The following CNTNAP3B variants were observed in gnomAD, a reference collection of about 807,000 sequenced individuals.
The protein encoded by CNTNAP3B is contactin associated protein family member 3B, also known as contactin-associated protein-like 3B.
CNTNAP3B carries 25 observed loss-of-function variants against 108.9 expected under a neutral mutation model. The ratio of observed to expected loss-of-function variants is 0.23; its 90% CI spans 0.17 to 0.32. CNTNAP3B has a LOEUF of 0.32. Ranked by LOEUF, CNTNAP3B falls within the 10% of genes least tolerant of loss-of-function variation. The pLI, the probability that CNTNAP3B is intolerant of heterozygous loss-of-function variation, is 1.00. For synonymous variants in CNTNAP3B, 103 were observed against 473.4 expected, an observed-to-expected ratio of 0.22 and a Z score of 10.16; for missense variants, 252 against 1,210.4, an observed-to-expected ratio of 0.21 and a Z score of 11.75.
intron 13 of CNTNAP3B, among the ~76,000 whole-genome samples, chr9:41,938,927 T>C (rs1422720844): frequency 1.3e-5 from 2 of 152,212 alleles, no homozygotes; most frequent in Non-Finnish European, 2.9e-5. Flanking sequence ...GTCCTGACTC[T>C]TTATTTGGAG....
In CNTNAP3B at chr9:42,098,812, C is replaced by T. The variant is rs541700629; in HGVS notation, c.196+5817G>A. On this transcript the variant is annotated intron_variant, in intron 2 of 23. Coordinates refer to ENST00000377561, the MANE Select transcript of CNTNAP3B (RefSeq NM_001201380.3). ...TATTGAGTTGAGATAATTATTTGTG[C>T]TAATAATAGAAAGAAAGTGTGTATC... Among the ~76,000 whole-genome samples, 145 of 130,300 alleles carry T rather than the reference C, an allele frequency of 1.1e-3. 39 individuals carry two copies. Among genetic ancestry groups the T allele is most frequent in the African/African-American group, 4.3e-3 (140 of 32,220 alleles). The allele number at this position is 130,300 out of a possible 152,430, so 85.5% of individuals were successfully genotyped here.
chr9:42,093,286 A>C (rs889233796), intron 2 of CNTNAP3B, among the ~76,000 whole-genome samples: 2 of 95,506 alleles, frequency 2.1e-5, no homozygotes, highest in African/African-American at 7.8e-5. Context: ...CGGAGGTTGC[A>C]GTCAGCCGAG....
chr9:41,981,815 G>A (rs1320585002), intron 9 of CNTNAP3B, among the ~76,000 whole-genome samples: 1 of 58,850 alleles, frequency 1.7e-5, no homozygotes, highest in Non-Finnish European at 3.3e-5. Flanking sequence ...CACTTTGGGA[G>A]GGTGAGGTGG....
chr9:41,925,136 G>T (rs1383478745), intron 15 of CNTNAP3B, among the ~76,000 whole-genome samples: 2 of 151,368 alleles, frequency 1.3e-5, no homozygotes, highest in South Asian at 2.1e-4. Flanking sequence ...GACACTTTAA[G>T]GTTACAGAAA....
At chr9:42,014,503 G>C (rs561008477) in intron 3 of CNTNAP3B, among the ~76,000 whole-genome samples, 1 of 111,902 alleles carries the variant, frequency 8.9e-6, no homozygotes, top group South Asian at 2.8e-4. Flanking sequence ...GAATGTACCA[G>C]GCTTAGGGCC....
intron 14 of CNTNAP3B, among the ~76,000 whole-genome samples, chr9:41,935,409 C>A (rs1353450532): frequency 6.6e-6 from 1 of 152,294 alleles, no homozygotes; most frequent in Non-Finnish European, 1.5e-5. Context: ...TTATTATAAA[C>A]TTTCCACCAG....
At chr9:41,956,794 C>T (rs1382057287) in intron 12 of CNTNAP3B, among the ~76,000 whole-genome samples, 1 of 140,152 alleles carries the variant, frequency 7.1e-6, no homozygotes, top group Non-Finnish European at 1.5e-5. Context: ...TGCTGTAATA[C>T]TTATCTCCTA....
At chr9:41,948,147 A>G (rs1474586987) in intron 13 of CNTNAP3B, among the ~76,000 whole-genome samples, 4 of 149,484 alleles carry the variant, frequency 2.7e-5, no homozygotes, top group African/African-American at 9.9e-5. Context: ...GCTGGAGTGC[A>G]GTGGTGTGAT....
intron 15 of CNTNAP3B, among the ~76,000 whole-genome samples, chr9:41,925,757 G>A (rs1823800753): frequency 1.3e-5 from 2 of 152,270 alleles, no homozygotes; most frequent in African/African-American, 4.8e-5. Context: ...TCTCAAATGT[G>A]GCAGCTCCTT....
intron 3 of CNTNAP3B, among the ~76,000 whole-genome samples, chr9:42,058,825 T>C: frequency 1.8e-5 from 1 of 54,974 alleles, no homozygotes; most frequent in East Asian, 5.8e-4. Flanking sequence ...CTGTGTTTTC[T>C]CTTAGTAGTT....
intron 3 of CNTNAP3B, among the ~76,000 whole-genome samples, chr9:42,041,316 G>A (rs1270787883): frequency 6.8e-6 from 1 of 148,140 alleles, no homozygotes; most frequent in South Asian, 2.1e-4. Context: ...CAACATGGGA[G>A]AAAATTTTTG....
intron 15 of CNTNAP3B, among the ~76,000 whole-genome samples, chr9:41,924,824 A>G (rs1823768433): frequency 6.6e-6 from 1 of 152,282 alleles, no homozygotes; most frequent in Non-Finnish European, 1.5e-5. Flanking sequence ...TTATTCTGGT[A>G]CAGTGTGTGA....
chr9:41,964,578 G>C lies in CNTNAP3B; in HGVS notation c.1716C>G (p.Asp572Glu). 6.5e-7 allele frequency: 1 copy of C among 1,543,984 alleles called. No homozygotes were observed. The highest frequency in any genetic ancestry group is 8.8e-7 in the Non-Finnish European group (1 of 1,142,026). ...CSQSWDTFSC[D>E]CLGTGYTGET... ...CGCCCGTATAGCCTGTGCCTAGACA[G>C]TCACAGGAGAAGGTGTCCCACGACT... The change falls in exon 11 of 24, where the codon GAC becomes GAG. Residue 572 changes from aspartate (D) to glutamate (E), a missense_variant. Transcript: ENST00000377561.
intron 13 of CNTNAP3B, among the ~76,000 whole-genome samples, chr9:41,943,584 A>C (rs1824431325): frequency 6.6e-6 from 1 of 151,202 alleles, no homozygotes; most frequent in Admixed American, 6.6e-5. Context: ...GATCTCCTGA[A>C]CTTGTGATCC....
rs1488428470 is a variant in CNTNAP3B at position 42,127,079 on chromosome 9, G to T, written c.85+1931C>A. On this transcript the variant is annotated intron_variant, in intron 1 of 23. Transcript: ENST00000377561. ...TATAGTTACATAGTTTTATCTGGAA[G>T]AATTACTTGATCTAAAAGGTAATTT... Among the ~76,000 whole-genome samples, 7 of 138,964 alleles carry T rather than the reference G, an allele frequency of 5.0e-5. 1 individual carries two copies. Among genetic ancestry groups the T allele is most frequent in the Non-Finnish European group, 1.1e-4 (7 of 64,882 alleles). The allele number at this position is 138,964 out of a possible 152,430, so 91.2% of individuals were successfully genotyped here. A position where few individuals can be genotyped will look rare whatever the true frequency, so the allele number is the denominator to read the frequency against.
At chr9:42,094,926 GA>G (rs1380410764) in intron 2 of CNTNAP3B, among the ~76,000 whole-genome samples, 2 of 134,732 alleles carry the variant, frequency 1.5e-5, no homozygotes, top group African/African-American at 5.9e-5. Context: ...ACATTTTTAT[GA>G]GGTGCAATGT....
At chr9:41,952,995 G>C (rs867154655) in intron 13 of CNTNAP3B, among the ~76,000 whole-genome samples, 188 bp downstream of exon 13, 271 of 152,318 alleles carry the variant, frequency 1.8e-3, no homozygotes, top group African/African-American at 5.8e-3. Flanking sequence ...GTCTCTCAAC[G>C]GTCAGGAAGG....
chr9:42,068,294 AAGAC>A (rs1249428254), intron 3 of CNTNAP3B, among the ~76,000 whole-genome samples: 1 of 52,788 alleles, frequency 1.9e-5, no homozygotes, highest in Non-Finnish European at 3.5e-5. Flanking sequence ...GTTCTCTTAA[AAGAC>A]AGAGCAGCTT....
rs1564177947 is a variant in CNTNAP3B at position 42,030,811 on chromosome 9, GAGGAGAGAGAGA to G, written c.391-17298_391-17287del. On this transcript the variant is annotated intron_variant, in intron 3 of 23. Transcript: ENST00000377561. ...TGTGTGCGAGAGAGAGAGAGAGAGA[GAGGAGAGAGAGA>G]GAGAGAGAGAGAGAGAGAGAGAGAT... 4.1e-5 allele frequency among the ~76,000 whole-genome samples: 3 copies of G among 73,892 alleles called. 1 individual carries two copies. The highest frequency in any genetic ancestry group is 1.1e-4 in the African/African-American group (2 of 18,254). The allele number at this position is 73,892 out of a possible 152,430, so 48.5% of individuals were successfully genotyped here.
Sources: gnomAD v4.1 joint callset for allele counts (sites outside exome capture counted in the v4.1 genomes callset) on GRCh38, gnomAD v4.1.1 for gene constraint, MANE v1.5 for transcripts, NCBI Gene and HGNC (gene_info 2026-07-23, HGNC 2026-07-21) for gene names.